Variants in GRXCR2 observed in about 807,000 individuals in gnomAD.
GRXCR2 encodes glutaredoxin and cysteine rich domain containing 2.
In GRXCR2, 23 loss-of-function variants were observed where a neutral mutation model predicts 24.8. That is an observed-to-expected ratio of 0.93 (90% CI 0.67 to 1.32). The LOEUF (loss-of-function observed/expected upper bound fraction) is 1.32. Among genes scored for constraint, GRXCR2 ranks in the 40% most tolerant of loss-of-function variants. GRXCR2 has a pLI of 0.00. For synonymous variants in GRXCR2, 130 were observed against 116.1 expected, an observed-to-expected ratio of 1.12 and a Z score of -0.77; for missense variants, 315 against 303.4, an observed-to-expected ratio of 1.04 and a Z score of -0.28.
At chr5:145,929,202 T>TATATAG (rs1491182352) in intron 2 of GRXCR2, among the ~76,000 whole-genome samples, 1 of 87,840 alleles carries the variant, frequency 1.1e-5, no homozygotes, top group African/African-American at 3.6e-5. Flanking sequence ...TTCCCCCCTA[T>TATATAG]ATATATATAT....
intron 2 of GRXCR2, among the ~76,000 whole-genome samples, chr5:145,912,313 G>T (rs1379347951): frequency 6.6e-6 from 1 of 152,136 alleles, no homozygotes; most frequent in Non-Finnish European, 1.5e-5. Context: ...GGAGGTTCGG[G>T]AGGCCATGAG....
At chr5:145,865,176 T>C (rs1201302846) in intron 2 of GRXCR2, among the ~76,000 whole-genome samples, 1 of 152,118 alleles carries the variant, frequency 6.6e-6, no homozygotes, top group Non-Finnish European at 1.5e-5. Flanking sequence ...CCCTGACCAA[T>C]TTTTTCATAG....
intron 2 of GRXCR2, among the ~76,000 whole-genome samples, chr5:145,881,821 T>G (rs1391397821): frequency 1.3e-5 from 2 of 151,980 alleles, no homozygotes; most frequent in African/African-American, 2.4e-5. Context: ...CCTAAACAGA[T>G]ATATAGACCA....
chr5:145,909,391 CA>C (rs1470487630), intron 2 of GRXCR2, among the ~76,000 whole-genome samples: 3 of 152,330 alleles, frequency 2.0e-5, no homozygotes, highest in African/African-American at 7.2e-5. Flanking sequence ...AGCTTCTGCT[CA>C]TTCTGTTTCT....
Position 145,896,466 on chromosome 5 carries a change from G to A in GRXCR2, c.-69-29738C>T, listed in dbSNP as rs190054932. ...AAACAAACAACCCCATCAGAAAATG[G>A]GTGAAGGATATGAACAGACACTTCT... On this transcript the variant is annotated intron_variant, in intron 2 of 3. Coordinates refer to the GRXCR2 transcript ENST00000639411. Among the ~76,000 whole-genome samples the A allele has an allele frequency of 3.3e-5, 5 of 152,238 alleles. No individual in the cohort carries two copies. The East Asian group carries it at 9.6e-4, about 29-fold the overall frequency.
Position 145,891,123 on chromosome 5 carries a change from C to A in GRXCR2, c.-69-24395G>T, listed in dbSNP as rs182440818. 1.3e-4 allele frequency among the ~76,000 whole-genome samples: 20 copies of A among 152,252 alleles called. No homozygotes were observed. In the East Asian group the frequency reaches 3.7e-3, roughly 28 times the overall value. On this transcript the variant is annotated intron_variant, in intron 2 of 3. Coordinates refer to the GRXCR2 transcript ENST00000639411. The stretch of plus-strand genomic sequence containing the variant: ...AGCACCCAGATTCATAAAACAAGTA[C>A]TTCCAGACCTATGAAAAGACTTAAG...
chr5:145,886,101 A>C (rs1756775616), intron 2 of GRXCR2, among the ~76,000 whole-genome samples: 1 of 152,236 alleles, frequency 6.6e-6, no homozygotes, highest in African/African-American at 2.4e-5. Context: ...AATGATTTTA[A>C]CTAGTCTCAT....
At chr5:145,893,960 G>A (rs1321083479) in intron 2 of GRXCR2, among the ~76,000 whole-genome samples, 1 of 152,136 alleles carries the variant, frequency 6.6e-6, no homozygotes, top group Non-Finnish European at 1.5e-5. Context: ...AATCAAACTA[G>A]AACTCAGGAT....
rs1410716233 is a variant in GRXCR2 at position 145,872,739 on chromosome 5, G to A, written c.230C>T (p.Ser77Phe). The change falls in exon 1 of 3, where the codon TCC becomes TTC. Residue 77 changes from serine to phenylalanine, a missense_variant. By Grantham distance (155) the Ser-to-Phe change is radical. Coordinates refer to ENST00000377976, the MANE Select transcript of GRXCR2 (RefSeq NM_001080516.2). ...GATCCTCTGAGCAGTCAGCTTAGGG[G>A]AGCACATCTGGGGCCTGGGGACTTC... ...SGEVPRPQMC[S>F]PKLTAQRISV... is the part of the protein sequence containing the mutation. The A allele has an allele frequency of 6.2e-7, 1 of 1,613,928 alleles. No homozygotes were observed.
chr5:145,870,241 C>A (rs947464259), intron 1 of GRXCR2, among the ~76,000 whole-genome samples: 1 of 152,050 alleles, frequency 6.6e-6, no homozygotes, highest in South Asian at 2.1e-4. Flanking sequence ...CTTCTTCTCC[C>A]CTGCCCCCAG....
upstream of GRXCR2, among the ~76,000 whole-genome samples, chr5:145,875,471 G>A (rs1756598980): frequency 6.6e-6 from 1 of 151,912 alleles, no homozygotes; most frequent in Admixed American, 6.6e-5. Flanking sequence ...ATCACTTGAA[G>A]CCAGGAGGCA....
chr5:145,857,766 T>G (rs190932437), downstream of GRXCR2, among the ~76,000 whole-genome samples: 9 of 152,322 alleles, frequency 5.9e-5, no homozygotes, highest in Admixed American at 4.6e-4. Flanking sequence ...GCAACCTGCA[T>G]AACCCCACTA....
chr5:145,866,861 C>T, intron 1 of GRXCR2, 133 bp from the exon 2 acceptor site: 1 of 631,306 alleles, frequency 1.6e-6, no homozygotes, highest in Non-Finnish European at 2.8e-6. Context: ...CCCATCAGAC[C>T]CCAAAGTCAC....
intron 2 of GRXCR2, among the ~76,000 whole-genome samples, chr5:145,925,980 A>G (rs2149930064): frequency 6.6e-6 from 1 of 152,188 alleles, no homozygotes; most frequent in Non-Finnish European, 1.5e-5. Flanking sequence ...AAAAAACAAG[A>G]TTGTGGTTAC....
At chr5:145,897,375 T>A (rs1434992093) in intron 2 of GRXCR2, among the ~76,000 whole-genome samples, 1 of 151,274 alleles carries the variant, frequency 6.6e-6, no homozygotes, top group East Asian at 1.9e-4. Context: ...AGTGGAGAAC[T>A]TTAACACACC....
chr5:145,866,923 C>T (rs1756447199), intron 1 of GRXCR2, among the ~76,000 whole-genome samples, 195 bp from the exon 2 acceptor site: 1 of 152,112 alleles, frequency 6.6e-6, no homozygotes, highest in Non-Finnish European at 1.5e-5. Flanking sequence ...AAGCCAGTTT[C>T]CTTCTTCCTG....
chr5:145,928,774 G>GAGAGCATTAGGAGAT (rs1757435772), intron 2 of GRXCR2, among the ~76,000 whole-genome samples: 1 of 139,282 alleles, frequency 7.2e-6, no homozygotes, highest in Non-Finnish European at 1.5e-5. Context: ...AGGGGGGAAG[G>GAGAGCATTAGGAGAT]ATAGCATTAG....
chr5:145,881,079 A>C (rs1357210050), intron 2 of GRXCR2, among the ~76,000 whole-genome samples: 1 of 152,232 alleles, frequency 6.6e-6, no homozygotes, highest in Non-Finnish European at 1.5e-5. Context: ...TATCATACTG[A>C]ATGGGCAAAA....
At chr5:145,875,401 T>C (rs1756597778), upstream of GRXCR2, among the ~76,000 whole-genome samples, 1 of 152,058 alleles carries the variant, frequency 6.6e-6, no homozygotes, top group African/African-American at 2.4e-5. Flanking sequence ...ATACAAAAAT[T>C]AGCAGGGTGT....
Sources: allele counts gnomAD v4.1 joint callset (sites outside exome capture counted in the v4.1 genomes callset), GRCh38; gene constraint gnomAD v4.1.1; transcripts MANE v1.5; gene names NCBI Gene and HGNC (gene_info 2026-07-23, HGNC 2026-07-21).